TLL1: variants seen among roughly 807,000 people sequenced by gnomAD.
The protein encoded by TLL1 is tolloid-like protein 1.
A neutral mutation model predicts 128.2 loss-of-function variants in TLL1; 49 were observed. The ratio of observed to expected loss-of-function variants is 0.38; its 90% confidence interval spans 0.30 to 0.48. TLL1 has a LOEUF of 0.48. TLL1 is among the 20% of genes least tolerant of loss of function. The probability of loss-of-function intolerance (pLI) is 0.96; values close to 1 mark genes in which losing one functional copy is unlikely to be tolerated. For synonymous variants in TLL1, 454 were observed against 418.8 expected, an observed-to-expected ratio of 1.08 and a Z score of -1.03; for missense variants, 1,123 against 1,242.0, an observed-to-expected ratio of 0.90 and a Z score of 1.44.
chr4:166,050,743 ACT>A (rs1430894373), intron 12 of TLL1, among the ~76,000 whole-genome samples: 2 of 151,974 alleles, frequency 1.3e-5, no homozygotes, highest in Non-Finnish European at 1.5e-5. Flanking sequence ...TGACCACTAA[ACT>A]CTGTACAGGT....
intron 1 of TLL1, among the ~76,000 whole-genome samples, chr4:165,904,742 CT>C (rs1732168943): frequency 6.6e-6 from 1 of 152,158 alleles, no homozygotes. Flanking sequence ...TTAAGAAAAT[CT>C]TTTCAATTCA....
chr4:165,901,976 A>G (rs1044833068), intron 1 of TLL1, among the ~76,000 whole-genome samples: 1 of 152,164 alleles, frequency 6.6e-6, no homozygotes, highest in Non-Finnish European at 1.5e-5. Flanking sequence ...CAGTCTGGTT[A>G]CAGTGGCTTT....
chr4:165,937,263 G>T (rs574177383), intron 1 of TLL1, among the ~76,000 whole-genome samples: 1 of 152,082 alleles, frequency 6.6e-6, no homozygotes, highest in Non-Finnish European at 1.5e-5. Context: ...TGATGTGTTT[G>T]TTCAAATATG....
At chr4:166,001,798 A>G (rs1254437601) in intron 5 of TLL1, among the ~76,000 whole-genome samples, 2 of 151,470 alleles carry the variant, frequency 1.3e-5, no homozygotes, top group Admixed American at 1.3e-4. Context: ...CCATCTCAAA[A>G]AAAAAAAAAA....
In TLL1 at chr4:166,100,977, G is replaced by A; in HGVS notation, c.*101G>A. ...TTGGCACAAATGTTTTATACAAAGA[G>A]TTTGAACAAAAAATCCCTGTAAGAC... On this transcript the variant is annotated 3_prime_UTR_variant, in exon 21 of 21. Coordinates refer to ENST00000061240, the MANE Select transcript of TLL1 (RefSeq NM_012464.5). The A allele has an allele frequency of 6.8e-7, 1 of 1,468,766 alleles. No individual in the cohort carries two copies. The highest frequency in any genetic ancestry group is 2.1e-5 in the Admixed American group (1 of 48,368). 91.0% of individuals were successfully genotyped at this position (1,468,766 alleles called of 1,614,324 possible).
At chr4:165,980,374 G>T (rs1347001660) in intron 1 of TLL1, among the ~76,000 whole-genome samples, 1 of 152,094 alleles carries the variant, frequency 6.6e-6, no homozygotes, top group Non-Finnish European at 1.5e-5. Flanking sequence ...TCAAAAGTTT[G>T]CATCTCCCCA....
At chr4:165,933,636 G>A (rs750000032) in intron 1 of TLL1, among the ~76,000 whole-genome samples, 1 of 151,932 alleles carries the variant, frequency 6.6e-6, no homozygotes, top group Non-Finnish European at 1.5e-5. Context: ...TGTCATCTTT[G>A]CCCATGGGAA....
At chr4:165,945,417 A>G (rs1480440054) in intron 1 of TLL1, among the ~76,000 whole-genome samples, 2 of 152,184 alleles carry the variant, frequency 1.3e-5, no homozygotes, top group Admixed American at 6.6e-5. Flanking sequence ...ATATGTTGAC[A>G]GAAGTTGTCT....
At chr4:165,906,969 GA>G (rs200734507) in intron 1 of TLL1, among the ~76,000 whole-genome samples, 1,795 of 151,818 alleles carry the variant, frequency 0.012, 31 homozygotes, top group African/African-American at 0.04. Context: ...TTGTAATAGA[GA>G]AATCAGTCAA....
intron 6 of TLL1, among the ~76,000 whole-genome samples, chr4:166,005,861 A>G (rs1737402280): frequency 6.6e-6 from 1 of 151,908 alleles, no homozygotes; most frequent in Non-Finnish European, 1.5e-5. Context: ...AGAAGTGTAT[A>G]TAATGTGTAG....
chr4:166,023,568 C>T (rs142270776), intron 8 of TLL1, among the ~76,000 whole-genome samples: 2,124 of 152,258 alleles, frequency 0.014, 26 homozygotes, highest in Middle Eastern at 0.038. Context: ...AATCAACAAA[C>T]TCTGAAACAT....
intron 1 of TLL1, among the ~76,000 whole-genome samples, chr4:165,936,223 C>CTTT (rs942916662): frequency 2.5e-5 from 3 of 120,886 alleles, no homozygotes; most frequent in Non-Finnish European, 3.5e-5. Flanking sequence ...TTTCTTTTTT[C>CTTT]TTTTTTTTTT....
chr4:165,915,621 T>A (rs1732744629), intron 1 of TLL1, among the ~76,000 whole-genome samples: 1 of 152,204 alleles, frequency 6.6e-6, no homozygotes, highest in Non-Finnish European at 1.5e-5. Context: ...TGCCTAAAGT[T>A]ACATGTGAGG....
At chr4:166,058,535 A>G (rs947018285) in intron 14 of TLL1, among the ~76,000 whole-genome samples, 5 of 152,086 alleles carry the variant, frequency 3.3e-5, no homozygotes, top group South Asian at 4.1e-4. Context: ...TTTTCTTACC[A>G]TTATCTATGA....
intron 12 of TLL1, among the ~76,000 whole-genome samples, chr4:166,043,972 CAG>C (rs1553964180): frequency 1.3e-5 from 2 of 152,058 alleles, no homozygotes; most frequent in Non-Finnish European, 2.9e-5. Flanking sequence ...AAAGGCCAAT[CAG>C]AATTTTTGGA....
chr4:165,950,999 G>C (rs1734485589), intron 1 of TLL1, among the ~76,000 whole-genome samples: 1 of 151,976 alleles, frequency 6.6e-6, no homozygotes, highest in Non-Finnish European at 1.5e-5. Context: ...CAATAACATT[G>C]ATAAAGTTCT....
At chr4:166,073,363 G>A (rs1179933531) in intron 16 of TLL1, among the ~76,000 whole-genome samples, 1 of 151,982 alleles carries the variant, frequency 6.6e-6, no homozygotes. Context: ...TAATGGAATA[G>A]GAGTTCAAAA....
At chr4:166,078,930 A>C (rs1303132860) in intron 18 of TLL1, among the ~76,000 whole-genome samples, 1 of 152,146 alleles carries the variant, frequency 6.6e-6, no homozygotes. Context: ...TCTTCCCTTC[A>C]GTGAATATTA....
chr4:165,888,826 C>A (rs1731272225), intron 1 of TLL1, among the ~76,000 whole-genome samples: 1 of 152,168 alleles, frequency 6.6e-6, no homozygotes, highest in African/African-American at 2.4e-5. Flanking sequence ...ATGTGGGAAT[C>A]CCTGATTTTG....
Sources: gnomAD v4.1 joint callset for allele counts (sites outside exome capture counted in the v4.1 genomes callset) on GRCh38, gnomAD v4.1.1 for gene constraint, MANE v1.5 for transcripts, NCBI Gene and HGNC (gene_info 2026-07-23, HGNC 2026-07-21) for gene names.